The following LACTB variants were observed in gnomAD, a reference collection of about 807,000 sequenced individuals.
The protein encoded by LACTB is lactamase beta.
Under a neutral mutation model 50.2 loss-of-function variants are expected in LACTB, and 35 were observed. That is an observed-to-expected ratio of 0.70 (90% CI 0.53 to 0.92). The LOEUF (loss-of-function observed/expected upper bound fraction) is 0.92. LACTB is among the 40% of genes least tolerant of loss of function. LACTB has a pLI of 0.00. For synonymous variants in LACTB, 252 were observed against 268.2 expected (o/e 0.94, Z 0.59); for missense variants, 664 against 691.8 (o/e 0.96, Z 0.45).
At chr15:63,137,674 C>T (rs1029781199) in intron 5 of LACTB, among the ~76,000 whole-genome samples, 1 of 152,132 alleles carries the variant, frequency 6.6e-6, no homozygotes, top group Non-Finnish European at 1.5e-5. Context: ...TTTTTATTGA[C>T]CATAATCACC....
intron 1 of LACTB, 129 bp downstream of exon 1, chr15:63,122,357 A>C: frequency 2.4e-6 from 2 of 835,502 alleles, no homozygotes; most frequent in Non-Finnish European, 3.6e-6. Context: ...AAGACTTCCC[A>C]TTTCCCCACC....
At chr15:63,125,589 T>C (rs955925996) in intron 2 of LACTB, among the ~76,000 whole-genome samples, 4 of 152,216 alleles carry the variant, frequency 2.6e-5, no homozygotes, top group Admixed American at 6.5e-5. Flanking sequence ...TTATGGACTT[T>C]ATGCAAATAT....
chr15:63,138,225 C>G (rs982552056), intron 5 of LACTB, among the ~76,000 whole-genome samples: 2 of 152,152 alleles, frequency 1.3e-5, no homozygotes, highest in Non-Finnish European at 2.9e-5. Flanking sequence ...ACTCAGGAGG[C>G]TGAGGTGGGG....
intron 5 of LACTB, among the ~76,000 whole-genome samples, chr15:63,136,741 A>T (rs2141077202): frequency 6.6e-6 from 1 of 152,310 alleles, no homozygotes; most frequent in South Asian, 2.1e-4. Context: ...CCTTGAAGTA[A>T]AACTTAATAA....
At chr15:63,127,081 G>C in intron 3 of LACTB, 32 bp downstream of exon 3, 2 of 1,451,964 alleles carry the variant, frequency 1.4e-6, no homozygotes, top group Middle Eastern at 4.6e-4. Flanking sequence ...TTTACTAATG[G>C]CATGTTAAAT....
At chr15:63,135,967 G>T (rs1354598106) in intron 5 of LACTB, among the ~76,000 whole-genome samples, 1 of 151,974 alleles carries the variant, frequency 6.6e-6, no homozygotes, top group Non-Finnish European at 1.5e-5. Flanking sequence ...CTGTTTTCTT[G>T]ATGAGTAATT....
At position 63,122,125 on chromosome 15, in the gene LACTB, A is replaced by G; in HGVS notation, c.254A>G (p.Glu85Gly). Residue 85 changes from glutamate to glycine, a missense_variant, in exon 1 of 6, where the codon GAG (glutamate) becomes GGG (glycine). Physicochemically the swap from Glu to Gly is moderately conservative, Grantham distance 98. Transcript: ENST00000261893. ...EASPLAEPPQ[E>G]QSLAPWSPQT... ...TCGCCTCTGGCCGAGCCGCCACAGG[A>G]GCAGTCCCTCGCCCCGTGGTCTCCG... 1 of 1,491,774 alleles carries G rather than the reference A, an allele frequency of 6.7e-7. No individual in the cohort carries two copies. Among genetic ancestry groups the G allele is most frequent in the South Asian group, 1.2e-5 (1 of 80,556 alleles). 92.4% of individuals were successfully genotyped at this position (1,491,774 alleles called of 1,614,324 possible). A position where few individuals can be genotyped will look rare whatever the true frequency, so the allele number is the denominator to read the frequency against.
At chr15:63,122,581 C>A (rs1310355308) in intron 1 of LACTB, 55 bp from the exon 2 acceptor site, 3 of 1,384,654 alleles carry the variant, frequency 2.2e-6, no homozygotes, top group African/African-American at 2.8e-5. Flanking sequence ...CCGAGGAGAG[C>A]GCTGGGCTTT....
At chr15:63,136,182 C>T (rs1595717763) in intron 5 of LACTB, among the ~76,000 whole-genome samples, 1 of 152,172 alleles carries the variant, frequency 6.6e-6, no homozygotes, top group East Asian at 1.9e-4. Flanking sequence ...GCTGGAACTA[C>T]AGATGTGTGC....
intron 5 of LACTB, among the ~76,000 whole-genome samples, chr15:63,137,432 T>G (rs574107561): frequency 2.0e-5 from 3 of 152,214 alleles, no homozygotes; most frequent in Admixed American, 6.5e-5. Flanking sequence ...CCAAATAAAA[T>G]GAATATTTTC....
At chr15:63,139,934 C>CA (rs56336727) in intron 5 of LACTB, among the ~76,000 whole-genome samples, 286 of 141,468 alleles carry the variant, frequency 2.0e-3, no homozygotes, top group African/African-American at 5.4e-3. Context: ...TCATCTCTAC[C>CA]AAAAAAAAAA....
intron 5 of LACTB, among the ~76,000 whole-genome samples, chr15:63,133,496 C>T (rs967316670): frequency 6.6e-6 from 1 of 152,096 alleles, no homozygotes; most frequent in African/African-American, 2.4e-5. Context: ...TAGTAGCGCA[C>T]ACCTGCGGTC....
At chr15:63,140,001 A>G (rs1040780885) in intron 5 of LACTB, among the ~76,000 whole-genome samples, 7 of 151,558 alleles carry the variant, frequency 4.6e-5, no homozygotes, top group African/African-American at 1.5e-4. Flanking sequence ...CAGCTGCTCA[A>G]GAGGCTGAGG....
chr15:63,139,934 CAAA>C (rs56336727), intron 5 of LACTB, among the ~76,000 whole-genome samples: 1 of 141,414 alleles, frequency 7.1e-6, no homozygotes. Context: ...TCATCTCTAC[CAAA>C]AAAAAAAAAA....
rs972853678 is a variant in LACTB, at chr15:63,122,117, G to A, written c.246G>A (p.Pro82=). ...CTGAGGCGTCGCCTCTGGCCGAGCC[G>A]CCACAGGAGCAGTCCCTCGCCCCGT... The part of the protein sequence containing the change: ...PDPEASPLAE[P]PQEQSLAPWS... The change falls in exon 1 of 6, where the codon CCG becomes CCA. Residue 82 remains proline (P), a synonymous_variant. Coordinates refer to ENST00000261893, the MANE Select transcript of LACTB (RefSeq NM_032857.5). The A allele has an allele frequency of 6.7e-7, 1 of 1,481,544 alleles. No individual in the cohort carries two copies. Among genetic ancestry groups the A allele is most frequent in the Non-Finnish European group, 8.9e-7 (1 of 1,123,818 alleles). The allele number at this position is 1,481,544 out of a possible 1,614,324, so 91.8% of individuals were successfully genotyped here.
Position 63,137,685 on chromosome 15 carries a change from A to G in LACTB, c.1119-3595A>G, listed in dbSNP as rs184850255. Among the ~76,000 whole-genome samples, 52 of 152,270 alleles carry G rather than the reference A, an allele frequency of 3.4e-4. 1 individual carries two copies. The highest frequency in any genetic ancestry group is 9.2e-4 in the Admixed American group (14 of 15,296). ...ACAATTTTTATTGACCATAATCACC[A>G]TGTTGTATTCTCAAATACTGGATCT... On this transcript the variant is annotated intron_variant, in intron 5 of 5. Transcript: ENST00000261893.
At chr15:63,135,110 T>C (rs1342606235) in intron 5 of LACTB, among the ~76,000 whole-genome samples, 4 of 152,238 alleles carry the variant, frequency 2.6e-5, no homozygotes, top group Non-Finnish European at 4.4e-5. Context: ...ATATTTCCAT[T>C]AGTACATGCT....
In LACTB at chr15:63,122,078, C is replaced by T. The variant is rs1310853844; in HGVS notation, c.207C>T (p.Pro69=). The T allele has an allele frequency of 6.9e-7, 1 of 1,448,380 alleles. No homozygotes were observed. The highest frequency in any genetic ancestry group is 9.0e-7 in the Non-Finnish European group (1 of 1,109,718). 89.7% of individuals were successfully genotyped at this position (1,448,380 alleles called of 1,614,324 possible). A position where few individuals can be genotyped will look rare whatever the true frequency, so the allele number is the denominator to read the frequency against. Residue 69 remains proline, a synonymous_variant, in exon 1 of 6, where the codon CCC becomes CCT. Coordinates refer to ENST00000261893, the MANE Select transcript of LACTB (RefSeq NM_032857.5). ...GGGGCGCGGCCCCGGCGCAGTCCCC[C>T]GCGGCCCCCGACCCTGAGGCGTCGC... The part of the protein sequence containing the change: ...GLRGAAPAQS[P]AAPDPEASPL...
In LACTB at chr15:63,141,557, G is replaced by C. The variant is rs756859717; in HGVS notation, c.1396G>C (p.Val466Leu). ...KEGKYAMAWG[V>L]VERKQTYGSC... Reference sequence around the variant, plus strand: ...GGGTAAATATGCAATGGCGTGGGGTGTTGTGGAAAGGAAACAAACGTATGG... The same window carrying C: ...GGGTAAATATGCAATGGCGTGGGGTCTTGTGGAAAGGAAACAAACGTATGG... Residue 466 changes from valine (V) to leucine (L), a missense_variant, in exon 6 of 6, where the codon GTT becomes CTT. Transcript: ENST00000261893. 2 of 1,614,222 alleles carry C rather than the reference G, an allele frequency of 1.2e-6. No individual in the cohort carries two copies. The highest frequency in any genetic ancestry group is 1.7e-6 in the Non-Finnish European group (2 of 1,180,030).
Sources: allele counts gnomAD v4.1 joint callset (sites outside exome capture counted in the v4.1 genomes callset), GRCh38; gene constraint gnomAD v4.1.1; transcripts MANE v1.5; gene names NCBI Gene and HGNC (gene_info 2026-07-23, HGNC 2026-07-21).